SLC17A6: variants seen among roughly 807,000 people sequenced by gnomAD.
The protein encoded by SLC17A6 is solute carrier family 17 member 6.
SLC17A6 carries 35 observed loss-of-function variants against 67.1 expected under a neutral mutation model. That is an observed-to-expected ratio of 0.52 (90% confidence interval 0.40 to 0.69). SLC17A6 has a LOEUF of 0.69. Ranked by LOEUF, SLC17A6 falls within the 30% of genes least tolerant of loss-of-function variation. The pLI is 0.00. For synonymous variants in SLC17A6, 285 were observed against 252.3 expected (o/e 1.13, Z -1.23); for missense variants, 588 against 723.9 (o/e 0.81, Z 2.15).
intron 3 of SLC17A6, among the ~76,000 whole-genome samples, chr11:22,350,789 A>C (rs1279856341): frequency 1.3e-5 from 2 of 152,160 alleles, no homozygotes; most frequent in Non-Finnish European, 2.9e-5. Context: ...GAAATACCAG[A>C]CTGCTTGAGA....
At chr11:22,375,641 C>G (rs1343137654) in intron 9 of SLC17A6, among the ~76,000 whole-genome samples, 1 of 151,748 alleles carries the variant, frequency 6.6e-6, no homozygotes, top group Non-Finnish European at 1.5e-5. Flanking sequence ...CCACCACACC[C>G]AGCTAATTTT....
At chr11:22,352,654 G>A (rs1002951133) in intron 3 of SLC17A6, among the ~76,000 whole-genome samples, 5 of 152,116 alleles carry the variant, frequency 3.3e-5, no homozygotes, top group East Asian at 1.9e-4. Context: ...ATAATGGGAC[G>A]GCTTGGGGAA....
At chr11:22,350,559 A>G (rs1590381929) in intron 3 of SLC17A6, among the ~76,000 whole-genome samples, 2 of 152,342 alleles carry the variant, frequency 1.3e-5, no homozygotes, top group South Asian at 4.1e-4. Context: ...CAGCGACTGT[A>G]ATACTGTCCT....
At chr11:22,342,597 C>T (rs957289372) in intron 2 of SLC17A6, among the ~76,000 whole-genome samples, 1 of 152,182 alleles carries the variant, frequency 6.6e-6, no homozygotes, top group Non-Finnish European at 1.5e-5. Flanking sequence ...ACCCAGGCTG[C>T]TCAGGGCGGA....
chr11:22,368,428 A>G (rs1856137288), intron 7 of SLC17A6, among the ~76,000 whole-genome samples: 1 of 152,094 alleles, frequency 6.6e-6, no homozygotes, highest in Admixed American at 6.5e-5. Context: ...AGCTTGCTTA[A>G]TTTTTATAAA....
At chr11:22,354,271 A>T (rs1855974398) in intron 3 of SLC17A6, among the ~76,000 whole-genome samples, 1 of 152,130 alleles carries the variant, frequency 6.6e-6, no homozygotes, top group African/African-American at 2.4e-5. Flanking sequence ...TTTAGTACAG[A>T]CGGGATTTCA....
At chr11:22,345,698 C>T (rs1039049765) in intron 3 of SLC17A6, among the ~76,000 whole-genome samples, 1 of 152,118 alleles carries the variant, frequency 6.6e-6, no homozygotes, top group South Asian at 2.1e-4. Flanking sequence ...AAGATTCTGA[C>T]ATTTTGCTTC....
In SLC17A6 at chr11:22,370,034, T is replaced by C; in HGVS notation, c.892-5T>C. ...GTCATAATGTCTCTCTTTTTGGAAT[T>C]TCAGAAATTCAAGACTCCATGGAGG... On this transcript the variant is annotated splice_polypyrimidine_tract_variant and splice_region_variant and intron_variant, in intron 7 of 11. Coordinates refer to ENST00000263160, the MANE Select transcript of SLC17A6 (RefSeq NM_020346.3). 1 of 1,603,570 alleles carries C rather than the reference T, an allele frequency of 6.2e-7. No homozygotes were observed. Among genetic ancestry groups the C allele is most frequent in the East Asian group, 2.2e-5 (1 of 44,630 alleles).
At chr11:22,367,095 G>T (rs1856121819) in intron 7 of SLC17A6, among the ~76,000 whole-genome samples, 1 of 150,928 alleles carries the variant, frequency 6.6e-6, no homozygotes, top group South Asian at 2.1e-4. Flanking sequence ...ATCAATGATA[G>T]TTTCCTTATG....
At chr11:22,361,011 T>C (rs781431528) in intron 5 of SLC17A6, 27 bp downstream of exon 5, 1 of 1,594,898 alleles carries the variant, frequency 6.3e-7, no homozygotes. Context: ...GATGCAGCTA[T>C]GGTGGCTAAA....
chr11:22,379,197 A>G lies in SLC17A6; in HGVS notation c.*1457A>G, dbSNP rs1856269321. ...CCCTTTATAATGTCCTAAAATTATG[A>G]TAATACATTTCCCAATTCAACTCAA... On this transcript the variant is annotated 3_prime_UTR_variant, in exon 12 of 12. Transcript: ENST00000263160. The G allele has an allele frequency of 6.6e-6, 1 of 152,556 alleles. No individual in the cohort carries two copies. Among genetic ancestry groups the G allele is most frequent in the South Asian group, 2.1e-4 (1 of 4,832 alleles). The allele number at this position is 152,556 out of a possible 1,614,324, so 9.5% of individuals were successfully genotyped here.
At chr11:22,365,999 T>C (rs1354796552) in intron 7 of SLC17A6, among the ~76,000 whole-genome samples, 2 of 151,292 alleles carry the variant, frequency 1.3e-5, no homozygotes, top group African/African-American at 2.4e-5. Flanking sequence ...CAATAAATAG[T>C]TGTTCATTTT....
rs12795991 is a variant in SLC17A6, at chr11:22,374,808, T to G, written c.1095T>G (p.Ile365Met). ...TAGTAATGACAATTATTGTGCCTAT[T>G]GGGGGACAAATTGCAGATTTTCTAA... ...PHLVMTIIVP[I>M]GGQIADFLRS... The change falls in exon 9 of 12, where the codon ATT becomes ATG. Residue 365 changes from isoleucine (I) to methionine (M), a missense_variant. Physicochemically the swap from Ile to Met is conservative, Grantham distance 10. Coordinates refer to ENST00000263160, the MANE Select transcript of SLC17A6 (RefSeq NM_020346.3). The G allele has an allele frequency of 6.2e-7, 1 of 1,613,636 alleles. No homozygotes were observed. Among genetic ancestry groups the G allele is most frequent in the South Asian group, 1.1e-5 (1 of 91,040 alleles).
In SLC17A6 at chr11:22,377,745, A is replaced by T; in HGVS notation, c.*5A>T. ...GACCGAGTTGATTATTCATAACAAA[A>T]CTAATTACTGGATTTATTTTTAGTG... On this transcript the variant is annotated 3_prime_UTR_variant, in exon 12 of 12. Transcript: ENST00000263160. The T allele has an allele frequency of 6.5e-7, 1 of 1,536,374 alleles. No individual in the cohort carries two copies. Among genetic ancestry groups the T allele is most frequent in the Non-Finnish European group, 8.8e-7 (1 of 1,141,886 alleles).
chr11:22,359,615 T>C (rs753696214), intron 4 of SLC17A6, 88 bp downstream of exon 4: 4 of 699,908 alleles, frequency 5.7e-6, no homozygotes, highest in African/African-American at 1.8e-5. Context: ...TAAATAAATA[T>C]ATTGTATTAG....
At chr11:22,376,328 C>T (rs1856232551) in intron 10 of SLC17A6, among the ~76,000 whole-genome samples, 1 of 152,012 alleles carries the variant, frequency 6.6e-6, no homozygotes, top group Non-Finnish European at 1.5e-5. Context: ...GAAAACATTA[C>T]CTCTTCTCTG....
At chr11:22,366,274 C>G (rs577130627) in intron 7 of SLC17A6, among the ~76,000 whole-genome samples, 3 of 151,920 alleles carry the variant, frequency 2.0e-5, no homozygotes, top group Non-Finnish European at 2.9e-5. Flanking sequence ...GTGCCCCCCC[C>G]ACCCTGTAAA....
intron 3 of SLC17A6, among the ~76,000 whole-genome samples, chr11:22,348,701 A>G (rs1389640942): frequency 2.0e-5 from 3 of 152,214 alleles, no homozygotes; most frequent in African/African-American, 7.2e-5. Flanking sequence ...GCTGTATAAA[A>G]TAGAAAGTAA....
chr11:22,362,612 G>A, intron 5 of SLC17A6, 127 bp from the exon 6 acceptor site: 1 of 712,280 alleles, frequency 1.4e-6, no homozygotes, highest in Non-Finnish European at 2.5e-6. Flanking sequence ...GAGGGTATGT[G>A]CATGGGTGTG....
Sources: allele counts gnomAD v4.1 joint callset (sites outside exome capture counted in the v4.1 genomes callset), GRCh38; gene constraint gnomAD v4.1.1; transcripts MANE v1.5; gene names NCBI Gene and HGNC (gene_info 2026-07-23, HGNC 2026-07-21).